Variants in PHLPP1 observed in about 807,000 individuals in gnomAD.
PHLPP1 encodes PH domain leucine-rich repeat-containing protein phosphatase 1.
In PHLPP1, 42 loss-of-function variants were observed where a neutral mutation model predicts 117.2. The observed-to-expected ratio is 0.36, with a 90% CI of 0.28 to 0.46. PHLPP1 has a LOEUF of 0.46. Ranked by LOEUF, PHLPP1 falls within the 20% of genes least tolerant of loss-of-function variation. The probability of loss-of-function intolerance (pLI) is 1.00; values close to 1 mark genes in which losing one functional copy is unlikely to be tolerated. For missense variants in PHLPP1, 2,084 were observed against 2,241.9 expected, an observed-to-expected ratio of 0.93 and a Z score of 1.42; for synonymous variants, 1,042 against 970.7, an observed-to-expected ratio of 1.07 and a Z score of -1.37.
Position 62,715,625 on chromosome 18 carries a change from C to T in PHLPP1, c.-59C>T. 8.7e-7 allele frequency: 1 copy of T among 1,153,064 alleles called. No homozygotes were observed. The highest frequency in any genetic ancestry group is 1.1e-6 in the Non-Finnish European group (1 of 909,738). The allele number at this position is 1,153,064 out of a possible 1,614,324, so 71.4% of individuals were successfully genotyped here. On this transcript the variant is annotated 5_prime_UTR_variant, in exon 1 of 17. Coordinates refer to ENST00000262719, the MANE Select transcript of PHLPP1 (RefSeq NM_194449.4). ...CCGCCGTCTCCCACCTCCGCCTCATCGCCTCCCTCTCCGCCCGCTGCCTCC... is the reference window on the plus strand; with the variant it reads ...CCGCCGTCTCCCACCTCCGCCTCATTGCCTCCCTCTCCGCCCGCTGCCTCC...
chr18:62,905,711 C>T (rs947417130), intron 8 of PHLPP1, among the ~76,000 whole-genome samples: 1 of 152,076 alleles, frequency 6.6e-6, no homozygotes, highest in African/African-American at 2.4e-5. Context: ...TCTTACACCC[C>T]TTGTTTAGAC....
At chr18:62,856,373 C>G (rs1344337158) in intron 3 of PHLPP1, among the ~76,000 whole-genome samples, 1 of 152,144 alleles carries the variant, frequency 6.6e-6, no homozygotes, top group Non-Finnish European at 1.5e-5. Context: ...GACCTCATTG[C>G]CAGTCACTGT....
At chr18:62,781,454 C>G (rs1049963993) in intron 1 of PHLPP1, among the ~76,000 whole-genome samples, 6 of 152,190 alleles carry the variant, frequency 3.9e-5, no homozygotes, top group Non-Finnish European at 7.3e-5. Flanking sequence ...TAACCTGGCT[C>G]TATCACTGGG....
intron 3 of PHLPP1, among the ~76,000 whole-genome samples, chr18:62,859,985 T>G (rs1172201514): frequency 6.6e-6 from 1 of 152,242 alleles, no homozygotes; most frequent in Non-Finnish European, 1.5e-5. Context: ...TTAGGCAGTT[T>G]CTTCATGGTG....
chr18:62,743,423 ACT>A (rs1911587358), intron 1 of PHLPP1, among the ~76,000 whole-genome samples: 1 of 152,060 alleles, frequency 6.6e-6, no homozygotes, highest in South Asian at 2.1e-4. Context: ...GGCCAGTCTT[ACT>A]TTATCTCGAA....
intron 4 of PHLPP1, among the ~76,000 whole-genome samples, chr18:62,894,305 T>C (rs1792348145): frequency 6.6e-6 from 1 of 152,088 alleles, no homozygotes. Context: ...AAGTGATTCT[T>C]GTGCCTCAGC....
chr18:62,837,215 C>A, intron 2 of PHLPP1, among the ~76,000 whole-genome samples: 1 of 152,180 alleles, frequency 6.6e-6, no homozygotes, highest in Non-Finnish European at 1.5e-5. Flanking sequence ...TGATCTCCAA[C>A]TCCTGGGCTC....
intron 1 of PHLPP1, among the ~76,000 whole-genome samples, chr18:62,820,830 T>G: frequency 6.6e-6 from 1 of 152,322 alleles, no homozygotes; most frequent in Non-Finnish European, 1.5e-5. Flanking sequence ...ACAAGTATAG[T>G]AAGTTTATTT....
intron 3 of PHLPP1, among the ~76,000 whole-genome samples, chr18:62,841,696 G>T (rs1234968689): frequency 6.6e-6 from 1 of 152,078 alleles, no homozygotes; most frequent in South Asian, 2.1e-4. Context: ...TTCCTCAAAA[G>T]TGCTGAAATG....
At chr18:62,918,237 A>C (rs1184651154) in intron 9 of PHLPP1, among the ~76,000 whole-genome samples, 1 of 151,480 alleles carries the variant, frequency 6.6e-6, no homozygotes, top group Non-Finnish European at 1.5e-5. Context: ...AGTTTGACAA[A>C]AGAGAAATTA....
chr18:62,799,066 A>C (rs545451356), intron 1 of PHLPP1, among the ~76,000 whole-genome samples: 1 of 152,320 alleles, frequency 6.6e-6, no homozygotes, highest in South Asian at 2.1e-4. Flanking sequence ...TCTGGCTTTG[A>C]AATATTCTCT....
chr18:62,746,329 G>A (rs1911672287), intron 1 of PHLPP1, among the ~76,000 whole-genome samples: 1 of 152,210 alleles, frequency 6.6e-6, no homozygotes, highest in South Asian at 2.1e-4. Flanking sequence ...ACAGGCATGA[G>A]CCACCACGCC....
At position 62,975,443 on chromosome 18, in the gene PHLPP1, T is replaced by C; in HGVS notation, c.3802T>C (p.Cys1268Arg). The change falls in exon 16 of 17, where the codon TGT becomes CGT. Residue 1268 changes from cysteine (C) to arginine (R), a missense_variant. Physicochemically the swap from Cys to Arg is radical, Grantham distance 180. Around this residue, in one of 2 missense-constraint regions of PHLPP1, gnomAD observed 1,365 missense variants for 1,605.9 expected, o/e 0.85. Coordinates refer to ENST00000262719, the MANE Select transcript of PHLPP1 (RefSeq NM_194449.4). ...GQKLGGAAVL[C>R]HIKHDPVDPG... Reference sequence around the variant, plus strand: ...GAAGCTTGGTGGTGCCGCTGTCCTTTGTCATATCAAGCATGACCCTGTGGA... The same window carrying C: ...GAAGCTTGGTGGTGCCGCTGTCCTTCGTCATATCAAGCATGACCCTGTGGA... 1 of 1,613,940 alleles carries C rather than the reference T, an allele frequency of 6.2e-7. No individual in the cohort carries two copies. The highest frequency in any genetic ancestry group is 8.5e-7 in the Non-Finnish European group (1 of 1,179,870).
chr18:62,951,174 G>A (rs1345167719), intron 12 of PHLPP1, among the ~76,000 whole-genome samples: 1 of 152,008 alleles, frequency 6.6e-6, no homozygotes, highest in African/African-American at 2.4e-5. Flanking sequence ...GTAGAGACAG[G>A]GTTTCACTGT....
At chr18:62,763,228 G>T (rs1312809391) in intron 1 of PHLPP1, among the ~76,000 whole-genome samples, 1 of 152,222 alleles carries the variant, frequency 6.6e-6, no homozygotes, top group Non-Finnish European at 1.5e-5. Context: ...GCAGTAACTT[G>T]TCTGTTCTAC....
chr18:62,972,413 AAG>A, intron 14 of PHLPP1, 99 bp from the exon 15 acceptor site: 1 of 1,063,280 alleles, frequency 9.4e-7, no homozygotes, highest in South Asian at 1.6e-5. Flanking sequence ...GTCATGAAGA[AAG>A]AGACAAAACT....
At chr18:62,735,903 C>T (rs1911356166) in intron 1 of PHLPP1, among the ~76,000 whole-genome samples, 1 of 151,642 alleles carries the variant, frequency 6.6e-6, no homozygotes, top group African/African-American at 2.4e-5. Flanking sequence ...ACATATGTAA[C>T]TAACCTGCAC....
intron 4 of PHLPP1, among the ~76,000 whole-genome samples, chr18:62,861,648 A>T (rs1028712430): frequency 6.6e-6 from 1 of 152,260 alleles, no homozygotes; most frequent in Admixed American, 6.5e-5. Context: ...TGATATGATC[A>T]GGAATTAAAA....
chr18:62,744,810 T>C (rs1458209044), intron 1 of PHLPP1, among the ~76,000 whole-genome samples: 15 of 152,240 alleles, frequency 9.9e-5, no homozygotes, highest in Admixed American at 9.8e-4. Context: ...ATATTATAAA[T>C]AATTTGTGTA....
Sources: gnomAD v4.1 joint callset for allele counts (sites outside exome capture counted in the v4.1 genomes callset) on GRCh38, gnomAD v4.1.1 for gene constraint, gnomAD v4.1.1 regional missense constraint, MANE v1.5 for transcripts, NCBI Gene and HGNC (gene_info 2026-07-23, HGNC 2026-07-21) for gene names.